The following PLCB1 variants were observed in gnomAD, a reference collection of about 807,000 sequenced individuals.
The protein encoded by PLCB1 is phospholipase C beta 1.
Under a neutral mutation model 161.8 loss-of-function variants are expected in PLCB1, and 46 were observed. The ratio of observed to expected loss-of-function variants is 0.28; its 90% confidence interval spans 0.22 to 0.36. The LOEUF (loss-of-function observed/expected upper bound fraction) is 0.36, where lower values mean the gene tolerates loss of function less well. PLCB1 is among the 10% of genes least tolerant of loss of function. The pLI is 1.00. For synonymous variants in PLCB1, 517 were observed against 503.7 expected (o/e 1.03, Z -0.35); for missense variants, 1,016 against 1,472.5 (o/e 0.69, Z 5.07).
intron 3 of PLCB1, among the ~76,000 whole-genome samples, chr20:8,522,807 A>C (rs985935949): frequency 5.3e-5 from 8 of 152,110 alleles, no homozygotes; most frequent in African/African-American, 1.9e-4. Flanking sequence ...TTTCAAACAT[A>C]GGAGGATAAT....
chr20:8,216,989 C>A (rs890175821), intron 2 of PLCB1, among the ~76,000 whole-genome samples: 1 of 152,114 alleles, frequency 6.6e-6, no homozygotes, highest in Admixed American at 6.6e-5. Flanking sequence ...TCCTCTTGTG[C>A]GTGGCTCACC....
chr20:8,264,861 C>G (rs573208142), intron 2 of PLCB1, among the ~76,000 whole-genome samples: 6 of 152,248 alleles, frequency 3.9e-5, no homozygotes, highest in Non-Finnish European at 8.8e-5. Flanking sequence ...AAGTTTCATT[C>G]TAAAGAATTT....
intron 2 of PLCB1, among the ~76,000 whole-genome samples, chr20:8,325,532 G>A (rs1380087870): frequency 6.6e-6 from 1 of 152,138 alleles, no homozygotes; most frequent in African/African-American, 2.4e-5. Flanking sequence ...CACTTAAGTG[G>A]TACTTACTAT....
chr20:8,534,010 G>A (rs141498157), intron 3 of PLCB1, among the ~76,000 whole-genome samples: 11 of 152,230 alleles, frequency 7.2e-5, no homozygotes, highest in African/African-American at 1.7e-4. Context: ...CTAACGTTTA[G>A]GTCTTTAATC....
chr20:8,402,398 G>A (rs2122477451), intron 3 of PLCB1, among the ~76,000 whole-genome samples: 1 of 152,198 alleles, frequency 6.6e-6, no homozygotes, highest in South Asian at 2.1e-4. Context: ...TACAGTTAAA[G>A]TTAAGCTTCC....
intron 3 of PLCB1, among the ~76,000 whole-genome samples, chr20:8,514,146 C>T (rs888253784): frequency 8.6e-5 from 13 of 152,022 alleles, no homozygotes; most frequent in Admixed American, 7.9e-4. Flanking sequence ...AGTTTGAAAC[C>T]AGCCTGGGTG....
At position 8,586,069 on chromosome 20, in the gene PLCB1, C is replaced by G. The variant is rs551481363; in HGVS notation, c.247-42225C>G. ...ATGCATGCAGAGCTGAGTGGATAAG[C>G]AAGCCTCCTTGATTAATCACATCAA... On this transcript the variant is annotated intron_variant, in intron 3 of 31. Transcript: ENST00000338037. 3.3e-5 allele frequency among the ~76,000 whole-genome samples: 5 copies of G among 152,318 alleles called. No homozygotes were observed. The East Asian group carries it at 9.6e-4, about 29-fold the overall frequency.
chr20:8,261,170 C>G (rs1299962524), intron 2 of PLCB1, among the ~76,000 whole-genome samples: 1 of 152,072 alleles, frequency 6.6e-6, no homozygotes, highest in Non-Finnish European at 1.5e-5. Flanking sequence ...CCTCAAAAAT[C>G]ATTTGCACAA....
chr20:8,661,844 A>G (rs1214596921), intron 9 of PLCB1, among the ~76,000 whole-genome samples: 1 of 148,150 alleles, frequency 6.7e-6, no homozygotes, highest in Non-Finnish European at 1.5e-5. Flanking sequence ...TAACTTCAGT[A>G]TTTAATAAAT....
intron 27 of PLCB1, among the ~76,000 whole-genome samples, chr20:8,779,596 G>GA (rs1983115067): frequency 6.7e-6 from 1 of 148,926 alleles, no homozygotes; most frequent in African/African-American, 2.5e-5. Context: ...CTCAAAGTGT[G>GA]AAGTGTGGGC....
At chr20:8,632,035 C>CTT (rs34028351) in intron 4 of PLCB1, among the ~76,000 whole-genome samples, 1,998 of 45,846 alleles carry the variant, frequency 0.044, 294 homozygotes, top group Non-Finnish European at 0.056. Flanking sequence ...GTTTTTTTTG[C>CTT]TTTTTTTTTT....
chr20:8,444,434 A>G (rs1169346715), intron 3 of PLCB1, among the ~76,000 whole-genome samples: 1 of 152,090 alleles, frequency 6.6e-6, no homozygotes, highest in Non-Finnish European at 1.5e-5. Context: ...ACATTTTCTT[A>G]ATCCAGTCTA....
chr20:8,310,152 GT>G (rs1568626649), intron 2 of PLCB1, among the ~76,000 whole-genome samples: 1 of 151,586 alleles, frequency 6.6e-6, no homozygotes, highest in African/African-American at 2.4e-5. Flanking sequence ...TTTTGTTTTT[GT>G]TACGGTGGGT....
At chr20:8,189,333 A>T (rs202070815) in intron 2 of PLCB1, among the ~76,000 whole-genome samples, 1 of 143,018 alleles carries the variant, frequency 7.0e-6, no homozygotes, top group African/African-American at 2.6e-5. Flanking sequence ...TAATATATAT[A>T]TATATATAAA....
intron 2 of PLCB1, among the ~76,000 whole-genome samples, chr20:8,277,650 C>T (rs1982650050): frequency 1.3e-5 from 2 of 152,204 alleles, no homozygotes; most frequent in South Asian, 4.2e-4. Context: ...AATTCCTAAG[C>T]ATGTTAATGT....
chr20:8,757,393 C>CA (rs1014980682), intron 24 of PLCB1, among the ~76,000 whole-genome samples: 29 of 152,058 alleles, frequency 1.9e-4, no homozygotes, highest in African/African-American at 5.5e-4. Flanking sequence ...GAAACCACAA[C>CA]AAAAAAAATC....
At chr20:8,592,896 A>G (rs542590815) in intron 3 of PLCB1, among the ~76,000 whole-genome samples, 8 of 152,226 alleles carry the variant, frequency 5.3e-5, no homozygotes, top group Non-Finnish European at 8.8e-5. Context: ...GCCATTCTCA[A>G]TGCTGGCTGC....
intron 2 of PLCB1, among the ~76,000 whole-genome samples, chr20:8,272,756 A>G (rs1254467632): frequency 1.3e-5 from 2 of 152,134 alleles, no homozygotes; most frequent in Non-Finnish European, 2.9e-5. Context: ...GCTTGTCTCA[A>G]ACTTGGGGTG....
chr20:8,369,205 G>A (rs1335010834), intron 2 of PLCB1, among the ~76,000 whole-genome samples: 2 of 152,146 alleles, frequency 1.3e-5, no homozygotes, highest in African/African-American at 4.8e-5. Flanking sequence ...GAGTCTCAGT[G>A]TAGGAAAGGT....
Sources: allele counts gnomAD v4.1 joint callset (sites outside exome capture counted in the v4.1 genomes callset), GRCh38; gene constraint gnomAD v4.1.1; transcripts MANE v1.5; gene names NCBI Gene and HGNC (gene_info 2026-07-23, HGNC 2026-07-21).